The following PDXDC1 variants were observed in gnomAD, a reference collection of about 807,000 sequenced individuals.
PDXDC1 encodes the protein pyridoxal dependent decarboxylase domain containing 1, also known as pyridoxal-dependent decarboxylase domain-containing protein 1.
Under a neutral mutation model 100.1 loss-of-function variants are expected in PDXDC1, and 42 were observed. The ratio of observed to expected loss-of-function variants is 0.42; its 90% CI spans 0.33 to 0.54. The LOEUF is 0.54. Ranked by LOEUF, PDXDC1 falls within the 20% of genes least tolerant of loss-of-function variation. PDXDC1 has a pLI of 0.10. For synonymous variants in PDXDC1, 260 were observed against 371.7 expected, an observed-to-expected ratio of 0.70 and a Z score of 3.46; for missense variants, 636 against 979.2, an observed-to-expected ratio of 0.65 and a Z score of 4.68.
downstream of PDXDC1, among the ~76,000 whole-genome samples, chr16:15,041,305 A>C (rs560610780): frequency 6.6e-6 from 1 of 152,130 alleles, no homozygotes; most frequent in Non-Finnish European, 1.5e-5. Context: ...TATACTGAAC[A>C]AACTGGCAGC....
intron 16 of PDXDC1, among the ~76,000 whole-genome samples, chr16:15,093,301 G>A (rs1375384361): frequency 1.3e-5 from 2 of 152,198 alleles, no homozygotes; most frequent in African/African-American, 4.8e-5. Flanking sequence ...ACCGCGCCCG[G>A]CCTAGATTTT....
intron 16 of PDXDC1, chr16:15,068,416 C>G: frequency 9.0e-7 from 1 of 1,116,824 alleles, no homozygotes; most frequent in Non-Finnish European, 1.2e-6. Flanking sequence ...AATAAAGGTC[C>G]ATGCAGATAG....
chr16:15,063,961 G>C (rs1256022160), intron 16 of PDXDC1, among the ~76,000 whole-genome samples: 1 of 152,078 alleles, frequency 6.6e-6, no homozygotes, highest in Non-Finnish European at 1.5e-5. Flanking sequence ...TATTTCTGTA[G>C]TAATTTGCTG....
intron 16 of PDXDC1, among the ~76,000 whole-genome samples, chr16:15,069,404 C>G (rs2045126511): frequency 6.6e-6 from 1 of 152,190 alleles, no homozygotes; most frequent in African/African-American, 2.4e-5. Context: ...TAAACATAAA[C>G]AGAACAATTT....
chr16:15,035,395 C>T (rs927222040), intron 21 of PDXDC1, 54 bp from the exon 22 acceptor site: 2 of 1,042,118 alleles, frequency 1.9e-6, no homozygotes, highest in African/African-American at 3.3e-5. Context: ...CAGGTGGTGT[C>T]TTCAAGGGCA....
intron 22 of PDXDC1, 112 bp from the exon 23 acceptor site, chr16:15,035,904 G>T: frequency 1.7e-6 from 2 of 1,172,522 alleles, no homozygotes; most frequent in South Asian, 1.5e-5. Context: ...GCCAGTAAAG[G>T]TTTCTGCTGA....
chr16:15,099,315 G>C (rs1311972611), intron 16 of PDXDC1, among the ~76,000 whole-genome samples: 3 of 150,086 alleles, frequency 2.0e-5, no homozygotes, highest in African/African-American at 7.4e-5. Flanking sequence ...AGCTACTTGA[G>C]AGGCTGAGGC....
At chr16:15,035,587 AG>A (rs767849341) in intron 22 of PDXDC1, 34 bp downstream of exon 22, 1 of 1,342,322 alleles carries the variant, frequency 7.4e-7, no homozygotes, top group East Asian at 2.4e-5. Flanking sequence ...TTCAGGTAAC[AG>A]GTTTCCCCTG....
chr16:15,055,972 C>G (rs991998119), intron 16 of PDXDC1: 5 of 1,222,370 alleles, frequency 4.1e-6, no homozygotes, highest in Admixed American at 4.3e-5. Context: ...GCAGCGGCAT[C>G]GCGGAGGCGG....
intron 16 of PDXDC1, chr16:15,125,431 C>A (rs2151901726): frequency 2.4e-6 from 2 of 843,374 alleles, no homozygotes; most frequent in African/African-American, 1.7e-5. Context: ...AAACCTGCTC[C>A]CACGTGGTGT....
Position 15,034,311 on chromosome 16 carries a change from T to A in PDXDC1, c.1838T>A (p.Val613Asp). Reference protein sequence around the residue: ...SRLLENMTEVVRKGIQEAQVE... With the variant: ...SRLLENMTEVDRKGIQEAQVE... The stretch of plus-strand genomic sequence containing the variant: ...CTTCTGGAAAACATGACAGAAGTGG[T>A]TCGGAAAGGCATTCAGGAAGCTCAA... Residue 613 changes from valine to aspartate, a missense_variant, in exon 20 of 23, where the codon GTT becomes GAT. Physicochemically the swap from Val to Asp is radical, Grantham distance 152. Coordinates refer to ENST00000396410, the MANE Select transcript of PDXDC1 (RefSeq NM_015027.4). 6.2e-7 allele frequency: 1 copy of A among 1,613,206 alleles called. No homozygotes were observed.
intron 16 of PDXDC1, among the ~76,000 whole-genome samples, chr16:15,124,631 G>A (rs1287264535): frequency 6.7e-6 from 1 of 149,986 alleles, no homozygotes; most frequent in Non-Finnish European, 1.5e-5. Context: ...AATTAGCCGG[G>A]TGCGGTGGTG....
intron 13 of PDXDC1, among the ~76,000 whole-genome samples, chr16:15,024,678 TG>T (rs1232622658): frequency 1.3e-5 from 2 of 152,294 alleles, no homozygotes; most frequent in African/African-American, 2.4e-5. Flanking sequence ...CCCAAAGTGC[TG>T]GGATTACAGG....
the PDXDC1 span, among the ~76,000 whole-genome samples, chr16:15,148,102 C>G: frequency 9.9e-5 from 15 of 151,938 alleles, no homozygotes; most frequent in African/African-American, 3.1e-4. Context: ...AATCCTCCCC[C>G]CTCAGCCTCC....
At chr16:15,080,310 T>C (rs1004275365) in intron 16 of PDXDC1, among the ~76,000 whole-genome samples, 1 of 152,240 alleles carries the variant, frequency 6.6e-6, no homozygotes, top group Non-Finnish European at 1.5e-5. Context: ...TTAATTTGCA[T>C]AACTATAGGT....
chr16:15,147,411 G>A, the PDXDC1 span, among the ~76,000 whole-genome samples: 1 of 152,230 alleles, frequency 6.6e-6, no homozygotes, highest in African/African-American at 2.4e-5. Context: ...TCTGTAAAAT[G>A]AGACCAGGAG....
chr16:15,074,583 T>G, intron 16 of PDXDC1: 1 of 525,330 alleles, frequency 1.9e-6, no homozygotes, highest in Non-Finnish European at 3.1e-6. Context: ...TAACTTGACC[T>G]CTTTAAATCA....
downstream of PDXDC1, chr16:15,040,024 T>G (rs767376725): frequency 3.7e-6 from 6 of 1,612,124 alleles, no homozygotes; most frequent in Non-Finnish European, 5.1e-6. Context: ...ACCCCGATCT[T>G]GAAAGGATGC....
chr16:15,061,829 G>A (rs746501053), intron 16 of PDXDC1: 28 of 1,614,100 alleles, frequency 1.7e-5, no homozygotes, highest in Non-Finnish European at 2.3e-5. Context: ...AAAGGAGCTT[G>A]GTGTGATCCC....
Sources: gnomAD v4.1 joint callset for allele counts (sites outside exome capture counted in the v4.1 genomes callset) on GRCh38, gnomAD v4.1.1 for gene constraint, MANE v1.5 for transcripts, NCBI Gene and HGNC (gene_info 2026-07-23, HGNC 2026-07-21) for gene names.